FAM163A: variants seen among roughly 807,000 people sequenced by gnomAD.
FAM163A encodes the protein family with sequence similarity 163 member A, also known as protein FAM163A.
In FAM163A, 7 loss-of-function variants were observed where a neutral mutation model predicts 12.0. The observed-to-expected ratio is 0.58, with a 90% CI of 0.33 to 1.10. FAM163A has a LOEUF of 1.10. Ranked by LOEUF, FAM163A falls within the 50% of genes least tolerant of loss-of-function variation. FAM163A has a pLI of 0.03. For synonymous variants in FAM163A, 101 were observed against 91.0 expected, an observed-to-expected ratio of 1.11 and a Z score of -0.62; for missense variants, 202 against 218.6, an observed-to-expected ratio of 0.92 and a Z score of 0.48.
At chr1:179,755,099 C>T (rs767193961) in intron 1 of FAM163A, among the ~76,000 whole-genome samples, 6 of 148,968 alleles carry the variant, frequency 4.0e-5, no homozygotes, top group African/African-American at 7.5e-5. Flanking sequence ...ATCGTGCCAC[C>T]GCACTCTAGC....
chr1:179,772,493 T>C (rs1688414635), intron 1 of FAM163A, among the ~76,000 whole-genome samples: 1 of 152,188 alleles, frequency 6.6e-6, no homozygotes, highest in Admixed American at 6.5e-5. Flanking sequence ...AAATGCACAT[T>C]CTCAGGCCCC....
chr1:179,774,474 G>A (rs1018203504), intron 1 of FAM163A, among the ~76,000 whole-genome samples: 1 of 152,226 alleles, frequency 6.6e-6, no homozygotes, highest in Non-Finnish European at 1.5e-5. Flanking sequence ...TCTCCGGGAA[G>A]ACTGTCCATA....
At chr1:179,787,632 G>A (rs1035545130) in intron 1 of FAM163A, among the ~76,000 whole-genome samples, 4 of 152,162 alleles carry the variant, frequency 2.6e-5, no homozygotes, top group Non-Finnish European at 4.4e-5. Context: ...TAGACACACC[G>A]CTCTACAGCT....
At chr1:179,805,521 GCAAAACTCC>G (rs2148339446) in intron 1 of FAM163A, among the ~76,000 whole-genome samples, 1 of 150,362 alleles carries the variant, frequency 6.7e-6, no homozygotes, top group East Asian at 2.0e-4. Flanking sequence ...GCGCAACAGA[GCAAAACTCC>G]CAAAACTCCG....
intron 1 of FAM163A, among the ~76,000 whole-genome samples, chr1:179,745,002 T>A (rs1235194319): frequency 1.3e-5 from 2 of 152,196 alleles, no homozygotes; most frequent in Non-Finnish European, 2.9e-5. Context: ...GTAACAGACG[T>A]TCAGACCCTG....
chr1:179,747,801 T>G (rs1684707288), intron 1 of FAM163A, among the ~76,000 whole-genome samples: 1 of 152,122 alleles, frequency 6.6e-6, no homozygotes, highest in African/African-American at 2.4e-5. Context: ...TTCTGCAGTA[T>G]GGATAGATTT....
intron 1 of FAM163A, among the ~76,000 whole-genome samples, chr1:179,783,954 A>G (rs1221900711): frequency 6.6e-6 from 1 of 151,916 alleles, no homozygotes; most frequent in African/African-American, 2.4e-5. Flanking sequence ...GATTATACCT[A>G]GCTGGCTCAG....
chr1:179,777,796 G>A (rs1389554201), intron 1 of FAM163A, among the ~76,000 whole-genome samples: 1 of 152,134 alleles, frequency 6.6e-6, no homozygotes, highest in Non-Finnish European at 1.5e-5. Context: ...GAAAAACTAA[G>A]CTCCTCCACA....
chr1:179,755,771 A>G (rs762137765), intron 1 of FAM163A, among the ~76,000 whole-genome samples: 4 of 152,046 alleles, frequency 2.6e-5, no homozygotes, highest in South Asian at 2.1e-4. Flanking sequence ...ACCACATACA[A>G]CCTTACAGAT....
Position 179,773,474 on chromosome 1 carries a change from G to A in FAM163A, c.-136+30051G>A, listed in dbSNP as rs147068637. Among the ~76,000 whole-genome samples the A allele has an allele frequency of 5.9e-5, 9 of 152,290 alleles. No homozygotes were observed. The East Asian group carries it at 1.7e-3, about 29-fold the overall frequency. On this transcript the variant is annotated intron_variant, in intron 1 of 4. Coordinates refer to ENST00000341785, the MANE Select transcript of FAM163A (RefSeq NM_173509.3). ...AGTTTTGCAAGATGTTACCATTGGG[G>A]GAAACTGGGTGAGGAGTATATGGGA...
At position 179,813,091 on chromosome 1, in the gene FAM163A, C is replaced by G; in HGVS notation, c.-7C>G. On this transcript the variant is annotated 5_prime_UTR_variant, in exon 4 of 5. Coordinates refer to ENST00000341785, the MANE Select transcript of FAM163A (RefSeq NM_173509.3). ...ATCTTTGCAGAGTTTGATGGGGCGC[C>G]GGGCGGATGACAGCGGGAACGGTTG... 1 of 1,551,652 alleles carries G rather than the reference C, an allele frequency of 6.4e-7. No homozygotes were observed. The highest frequency in any genetic ancestry group is 8.7e-7 in the Non-Finnish European group (1 of 1,146,970).
At chr1:179,802,146 A>G (rs79423690) in intron 1 of FAM163A, among the ~76,000 whole-genome samples, 2,226 of 152,348 alleles carry the variant, frequency 0.015, 25 homozygotes, top group African/African-American at 0.035. Context: ...GGTCTGTGCA[A>G]GATCTGTCAC....
chr1:179,790,690 A>G (rs1691342108), intron 1 of FAM163A, among the ~76,000 whole-genome samples: 1 of 152,148 alleles, frequency 6.6e-6, no homozygotes, highest in Non-Finnish European at 1.5e-5. Context: ...ACCTCAGGTG[A>G]TCTGCCTGTC....
the FAM163A span, among the ~76,000 whole-genome samples, chr1:179,737,670 C>T: frequency 5.0e-3 from 755 of 152,196 alleles, 5 homozygotes; most frequent in Non-Finnish European, 7.7e-3. Context: ...TCCGTCTCTA[C>T]TAAAAATACA....
In FAM163A at chr1:179,814,752, T is replaced by C. The variant is rs1695151002; in HGVS notation, c.*563T>C. The stretch of plus-strand genomic sequence containing the variant: ...GCCCAGCTTTGTACGTTGGTTACCA[T>C]AGCTACTGCTGTCACTGTAGCTGCT... On this transcript the variant is annotated 3_prime_UTR_variant, in exon 5 of 5. Transcript: ENST00000341785. The C allele has an allele frequency of 6.5e-6, 1 of 154,238 alleles. No individual in the cohort carries two copies. Among genetic ancestry groups the C allele is most frequent in the Non-Finnish European group, 1.4e-5 (1 of 69,452 alleles). 9.6% of individuals were successfully genotyped at this position (154,238 alleles called of 1,614,324 possible).
intron 2 of FAM163A, among the ~76,000 whole-genome samples, chr1:179,811,769 TAAAC>T (rs1373246672): frequency 2.0e-5 from 3 of 152,184 alleles, no homozygotes; most frequent in Non-Finnish European, 4.4e-5. Flanking sequence ...CTTTGAGTAA[TAAAC>T]AATTTGCAAA....
At chr1:179,761,743 C>T (rs1204543471) in intron 1 of FAM163A, among the ~76,000 whole-genome samples, 2 of 151,994 alleles carry the variant, frequency 1.3e-5, no homozygotes, top group Non-Finnish European at 1.5e-5. Context: ...TGACTGGGGT[C>T]GGTGAGGTGT....
At chr1:179,747,394 G>T (rs1433703736) in intron 1 of FAM163A, among the ~76,000 whole-genome samples, 2 of 152,198 alleles carry the variant, frequency 1.3e-5, no homozygotes, top group Non-Finnish European at 2.9e-5. Flanking sequence ...AAAGGGGATG[G>T]GGGAGATATT....
At chr1:179,739,444 G>T (rs149180314), upstream of FAM163A, among the ~76,000 whole-genome samples, 67 of 152,300 alleles carry the variant, frequency 4.4e-4, no homozygotes, top group African/African-American at 1.5e-3. Flanking sequence ...CCAACTCATG[G>T]CCCACTGGCC....
Sources: allele counts gnomAD v4.1 joint callset (sites outside exome capture counted in the v4.1 genomes callset), GRCh38; gene constraint gnomAD v4.1.1; transcripts MANE v1.5; gene names NCBI Gene and HGNC (gene_info 2026-07-23, HGNC 2026-07-21).